The following TAOK1 variants were observed in gnomAD, a reference collection of about 807,000 sequenced individuals.
TAOK1 encodes serine/threonine-protein kinase TAO1.
A neutral mutation model predicts 138.3 loss-of-function variants in TAOK1; 21 were observed. The observed-to-expected ratio is 0.15, with a 90% CI of 0.11 to 0.22. TAOK1 has a LOEUF of 0.22. TAOK1 is among the 10% of genes least tolerant of loss of function. The pLI, the probability that TAOK1 is intolerant of heterozygous loss-of-function variation, is 1.00. For missense variants in TAOK1, 651 were observed against 1,227.7 expected (o/e 0.53, Z 7.02); for synonymous variants, 361 against 398.4 (o/e 0.91, Z 1.12).
intron 1 of TAOK1, among the ~76,000 whole-genome samples, chr17:29,445,736 T>C (rs1327736233): frequency 6.6e-6 from 1 of 152,204 alleles, no homozygotes; most frequent in African/African-American, 2.4e-5. Flanking sequence ...TATTTTTGCT[T>C]TTATGTTGAT....
chr17:29,432,886 A>G (rs1212922377), intron 1 of TAOK1, among the ~76,000 whole-genome samples: 1 of 151,778 alleles, frequency 6.6e-6, no homozygotes, highest in Non-Finnish European at 1.5e-5. Flanking sequence ...TAGCCTCCTG[A>G]GTAGTTAGGA....
At position 29,545,801 on chromosome 17, in the gene TAOK1, A is replaced by G. The variant is rs980264008; in HGVS notation, c.*2779A>G. ...GTGGGGAAATATCAATATTTGATCA[A>G]ATTAACACTACCTCCTTCCCAGTGT... On this transcript the variant is annotated 3_prime_UTR_variant, in exon 20 of 20. Transcript: ENST00000261716. The G allele has an allele frequency of 7.9e-5, 12 of 152,216 alleles. No homozygotes were observed. Among genetic ancestry groups the G allele is most frequent in the East Asian group, 5.8e-4 (3 of 5,194 alleles). The allele number at this position is 152,216 out of a possible 1,614,324, so 9.4% of individuals were successfully genotyped here. A position where few individuals can be genotyped will look rare whatever the true frequency, so the allele number is the denominator to read the frequency against.
chr17:29,517,189 C>T (rs554455685), intron 15 of TAOK1, among the ~76,000 whole-genome samples: 26 of 152,000 alleles, frequency 1.7e-4, no homozygotes, highest in African/African-American at 5.8e-4. Flanking sequence ...AGGGTTTCAC[C>T]GTGTTAGCCA....
chr17:29,481,884 C>T (rs939291801), intron 7 of TAOK1, among the ~76,000 whole-genome samples: 11 of 152,106 alleles, frequency 7.2e-5, no homozygotes, highest in African/African-American at 2.2e-4. Flanking sequence ...GGCGTGAACC[C>T]GGGAGGCAGA....
At position 29,437,815 on chromosome 17, in the gene TAOK1, C is replaced by T. The variant is rs1906082559; in HGVS notation, c.-94-13640C>T. Among the ~76,000 whole-genome samples the T allele has an allele frequency of 5.8e-5, 5 of 85,696 alleles. No homozygotes were observed. The South Asian group carries it at 1.9e-3, about 33-fold the overall frequency. The allele number at this position is 85,696 out of a possible 152,430, so 56.2% of individuals were successfully genotyped here. ...GTGGTATGATCTCGGCTCACTGCAACCTCTGCCTCCCAGGTTCAACGATTC... is the reference window on the plus strand; with the variant it reads ...GTGGTATGATCTCGGCTCACTGCAATCTCTGCCTCCCAGGTTCAACGATTC... On this transcript the variant is annotated intron_variant, in intron 1 of 19. Coordinates refer to ENST00000261716, the MANE Select transcript of TAOK1 (RefSeq NM_020791.4).
chr17:29,424,436 C>CAAAAA (rs781589064), intron 1 of TAOK1, among the ~76,000 whole-genome samples: 1 of 72,000 alleles, frequency 1.4e-5, no homozygotes, highest in African/African-American at 5.3e-5. Context: ...GACTCCCTCT[C>CAAAAA]AAAAAAAAAA....
intron 1 of TAOK1, among the ~76,000 whole-genome samples, chr17:29,423,132 G>T (rs1598474795): frequency 4.0e-5 from 5 of 123,552 alleles, no homozygotes; most frequent in South Asian, 2.7e-4. Context: ...ATTTCCTTTT[G>T]CTGTGTTGTA....
At chr17:29,505,965 GA>G (rs1296362923) in intron 13 of TAOK1, among the ~76,000 whole-genome samples, 1 of 152,170 alleles carries the variant, frequency 6.6e-6, no homozygotes, top group East Asian at 1.9e-4. Context: ...TCAACAAGAT[GA>G]AAGATAACAA....
chr17:29,531,882 A>G (rs1745540211), intron 18 of TAOK1, among the ~76,000 whole-genome samples: 1 of 143,506 alleles, frequency 7.0e-6, no homozygotes, highest in South Asian at 2.2e-4. Flanking sequence ...TTTTTTTGAG[A>G]CGGAGTCTCG....
chr17:29,413,949 C>A (rs562873208), intron 1 of TAOK1, among the ~76,000 whole-genome samples: 3 of 123,920 alleles, frequency 2.4e-5, no homozygotes, highest in Non-Finnish European at 4.7e-5. Flanking sequence ...GTGGCATGAT[C>A]TTGGCTCACT....
intron 1 of TAOK1, among the ~76,000 whole-genome samples, chr17:29,392,129 T>C (rs1049722618): frequency 2.0e-5 from 3 of 152,024 alleles, no homozygotes; most frequent in Middle Eastern, 3.4e-3. Context: ...GGGAGGAGAA[T>C]CGCTTGAACC....
chr17:29,481,495 A>G (rs889965517), intron 7 of TAOK1, among the ~76,000 whole-genome samples: 14 of 151,984 alleles, frequency 9.2e-5, no homozygotes, highest in Admixed American at 8.5e-4. Context: ...TGGCCAAAAA[A>G]TAGACTTTTG....
At chr17:29,539,803 C>CT (rs1297229456) in intron 19 of TAOK1, among the ~76,000 whole-genome samples, 1 of 152,054 alleles carries the variant, frequency 6.6e-6, no homozygotes, top group Non-Finnish European at 1.5e-5. Context: ...TAGCCTGAGC[C>CT]TGGGAGGTGG....
intron 7 of TAOK1, 89 bp downstream of exon 7, chr17:29,480,570 TC>T: frequency 8.6e-7 from 1 of 1,158,188 alleles, no homozygotes; most frequent in Non-Finnish European, 1.2e-6. Flanking sequence ...TAAAGTACTG[TC>T]AGGAATGTTA....
chr17:29,453,187 T>G (rs1040885859), intron 2 of TAOK1, among the ~76,000 whole-genome samples: 3 of 144,356 alleles, frequency 2.1e-5, no homozygotes, highest in Admixed American at 7.3e-5. Flanking sequence ...TGAGATGGAG[T>G]CTCGCTCTAT....
intron 18 of TAOK1, among the ~76,000 whole-genome samples, chr17:29,533,344 C>T (rs1168788031): frequency 6.7e-6 from 1 of 149,656 alleles, no homozygotes; most frequent in Non-Finnish European, 1.5e-5. Context: ...AGAGATGTTC[C>T]TCACTTTCCA....
intron 1 of TAOK1, among the ~76,000 whole-genome samples, chr17:29,431,490 G>A (rs1905829749): frequency 6.7e-6 from 1 of 150,108 alleles, no homozygotes; most frequent in African/African-American, 2.5e-5. Context: ...TTACTAAATT[G>A]GATACATTAG....
chr17:29,491,362 G>A (rs2031292168), intron 9 of TAOK1, among the ~76,000 whole-genome samples: 1 of 152,066 alleles, frequency 6.6e-6, no homozygotes, highest in Non-Finnish European at 1.5e-5. Context: ...AGCAGATAGA[G>A]TGATATTCTG....
intron 2 of TAOK1, among the ~76,000 whole-genome samples, chr17:29,455,729 G>GT (rs60679808): frequency 1.0e-4 from 15 of 147,572 alleles, no homozygotes; most frequent in Non-Finnish European, 1.8e-4. Context: ...TGGATCATGT[G>GT]TTTTTTTTTT....
Sources: gnomAD v4.1 joint callset for allele counts (sites outside exome capture counted in the v4.1 genomes callset) on GRCh38, gnomAD v4.1.1 for gene constraint, MANE v1.5 for transcripts, NCBI Gene and HGNC (gene_info 2026-07-23, HGNC 2026-07-21) for gene names.